Variants in APPBP2 observed in about 807,000 individuals in gnomAD.
The protein encoded by APPBP2 is amyloid protein-binding protein 2.
APPBP2 carries 15 observed loss-of-function variants against 76.0 expected under a neutral mutation model. The ratio of observed to expected loss-of-function variants is 0.20; its 90% CI spans 0.13 to 0.30. The LOEUF is 0.30. Among genes scored for constraint, APPBP2 ranks in the 10% least tolerant of loss-of-function variants. The pLI is 1.00. For synonymous variants in APPBP2, 222 were observed against 242.2 expected (o/e 0.92, Z 0.77); for missense variants, 401 against 687.2 (o/e 0.58, Z 4.66).
chr17:60,520,305 G>A (rs1025507181), intron 1 of APPBP2, among the ~76,000 whole-genome samples: 15 of 152,086 alleles, frequency 9.9e-5, no homozygotes, highest in Admixed American at 7.9e-4. Context: ...GGGCGCAGTG[G>A]CTCACTCCTG....
rs1433691566 is a variant in APPBP2 at position 60,503,141 on chromosome 17, T to C, written c.139-2654A>G. ...GATTCTCCTGCCTCAGCCTCCCGAA[T>C]AGCCTGGACTACCGGCGCGGGATAC... On this transcript the variant is annotated intron_variant, in intron 1 of 12. Transcript: ENST00000083182. Among the ~76,000 whole-genome samples the C allele has an allele frequency of 4.2e-5, 6 of 143,554 alleles. 2 individuals carry two copies. Among genetic ancestry groups the C allele is most frequent in the Admixed American group, 4.0e-4 (6 of 14,868 alleles). The allele number at this position is 143,554 out of a possible 152,430, so 94.2% of individuals were successfully genotyped here. A position where few individuals can be genotyped will look rare whatever the true frequency, so the allele number is the denominator to read the frequency against.
At chr17:60,513,246 T>A (rs997539665) in intron 1 of APPBP2, 49 of 418,526 alleles carry the variant, frequency 1.2e-4, no homozygotes, top group Admixed American at 2.9e-4. Flanking sequence ...AATCAGATAT[T>A]GTATATAAGA....
chr17:60,449,294 A>G (rs2090373145), intron 12 of APPBP2, among the ~76,000 whole-genome samples: 1 of 131,444 alleles, frequency 7.6e-6, no homozygotes, highest in Non-Finnish European at 1.5e-5. Flanking sequence ...TAGCAGAGGG[A>G]AAAAAAGAGT....
intron 3 of APPBP2, among the ~76,000 whole-genome samples, chr17:60,487,657 A>G (rs1047642367): frequency 1.3e-5 from 2 of 152,138 alleles, no homozygotes; most frequent in Non-Finnish European, 2.9e-5. Context: ...TTTAGCTTGG[A>G]GAAGTCTGTT....
At chr17:60,525,706 G>C in intron 1 of APPBP2, 88 bp downstream of exon 1, 2 of 1,584,128 alleles carry the variant, frequency 1.3e-6, no homozygotes, top group Non-Finnish European at 1.7e-6. Flanking sequence ...AGGGGTGAGG[G>C]GTTAACTGCG....
Position 60,500,448 on chromosome 17 carries a change from A to G in APPBP2, c.178T>C (p.Phe60Leu). 1 of 1,611,558 alleles carries G rather than the reference A, an allele frequency of 6.2e-7. No homozygotes were observed. The highest frequency in any genetic ancestry group is 8.5e-7 in the Non-Finnish European group (1 of 1,179,054). Residue 60 changes from phenylalanine to leucine, a missense_variant, in exon 2 of 13, where the codon TTT (phenylalanine) becomes CTT (leucine). Around this residue, in one of 5 missense-constraint regions of APPBP2, gnomAD observed 149 missense variants for 198.4 expected, o/e 0.75. Coordinates refer to ENST00000083182, the MANE Select transcript of APPBP2 (RefSeq NM_006380.5). ...TTAGCAAAAACTTCCAATTCACAAA[A>G]TTCACTGCCCAGTTGACATAAGCGT... ...QGRLCQLGSE[F>L]CELEVFAKVL... is the part of the protein sequence containing the mutation.
At chr17:60,474,095 T>A (rs1448924502) in intron 4 of APPBP2, among the ~76,000 whole-genome samples, 1 of 152,200 alleles carries the variant, frequency 6.6e-6, no homozygotes, top group African/African-American at 2.4e-5. Flanking sequence ...AAAAGCCAGT[T>A]AATAAAATTA....
At chr17:60,500,308 A>T in intron 2 of APPBP2, 91 bp downstream of exon 2, 1 of 900,736 alleles carries the variant, frequency 1.1e-6, no homozygotes, top group East Asian at 2.7e-5. Flanking sequence ...CACCCAGCCC[A>T]CAATGTGAAT....
chr17:60,514,089 T>C (rs1257842034), intron 1 of APPBP2, among the ~76,000 whole-genome samples: 1 of 150,650 alleles, frequency 6.6e-6, no homozygotes, highest in Non-Finnish European at 1.5e-5. Flanking sequence ...GGAAGATCAC[T>C]TGAACCCAGG....
intron 12 of APPBP2, among the ~76,000 whole-genome samples, chr17:60,448,367 G>A (rs1429758590): frequency 6.6e-6 from 1 of 152,208 alleles, no homozygotes; most frequent in Non-Finnish European, 1.5e-5. Flanking sequence ...AGAGGCTGAG[G>A]CATGAGAACT....
At chr17:60,498,059 C>G (rs149718339) in intron 2 of APPBP2, among the ~76,000 whole-genome samples, 1 of 151,258 alleles carries the variant, frequency 6.6e-6, no homozygotes, top group Non-Finnish European at 1.5e-5. Flanking sequence ...CCCTGGAAGT[C>G]GAGGCTACAG....
At chr17:60,485,811 T>C (rs1363599851) in intron 3 of APPBP2, among the ~76,000 whole-genome samples, 1 of 152,220 alleles carries the variant, frequency 6.6e-6, no homozygotes, top group Non-Finnish European at 1.5e-5. Context: ...ATTGTAGATC[T>C]TTCCTGCTTT....
Position 60,444,748 on chromosome 17 carries a change from G to A in APPBP2, c.*2833C>T, listed in dbSNP as rs1454958184. ...GGAATGCAGGCATGAGTGGCCACCT[G>A]AGCGACACATGCGAGTGCTGACGGA... On this transcript the variant is annotated 3_prime_UTR_variant, in exon 13 of 13. Transcript: ENST00000083182. 1 of 152,524 alleles carries A rather than the reference G, an allele frequency of 6.6e-6. No homozygotes were observed. Among genetic ancestry groups the A allele is most frequent in the Non-Finnish European group, 1.5e-5 (1 of 68,044 alleles). The allele number at this position is 152,524 out of a possible 1,614,324, so 9.4% of individuals were successfully genotyped here.
intron 1 of APPBP2, among the ~76,000 whole-genome samples, chr17:60,513,997 T>TAAAAAAAAAA (rs35785295): frequency 1.8e-5 from 2 of 108,576 alleles, no homozygotes; most frequent in Non-Finnish European, 1.9e-5. Flanking sequence ...TTCCCCACAT[T>TAAAAAAAAAA]AAAAAAAAAA....
chr17:60,498,403 A>G (rs962732268), intron 2 of APPBP2, among the ~76,000 whole-genome samples: 2 of 152,198 alleles, frequency 1.3e-5, no homozygotes, highest in South Asian at 2.1e-4. Flanking sequence ...GAGTTGTCTT[A>G]AATTGCTTTC....
chr17:60,525,982 C>CTCCTCCCG lies in APPBP2; in HGVS notation c.-52_-51insCGGGAGGA. On this transcript the variant is annotated 5_prime_UTR_variant, in exon 1 of 13. Transcript: ENST00000083182. ...TCCGCCTCCTCCTCCCGAAGGCCCC[C>CTCCTCCCG]ACCTCCCTCCGTAGCGAACCCCTCT... The CTCCTCCCG allele has an allele frequency of 6.6e-7, 1 of 1,521,036 alleles. No individual in the cohort carries two copies. Among genetic ancestry groups the CTCCTCCCG allele is most frequent in the African/African-American group, 1.4e-5 (1 of 72,920 alleles). 94.2% of individuals were successfully genotyped at this position (1,521,036 alleles called of 1,614,324 possible).
chr17:60,454,267 TAA>T (rs760363113), intron 11 of APPBP2, 33 bp downstream of exon 11: 15 of 1,445,510 alleles, frequency 1.0e-5, no homozygotes, highest in Admixed American at 7.0e-5. Context: ...TTTCATTACT[TAA>T]GAGAGAAAAA....
chr17:60,494,984 G>GTTTTTT (rs60043373), intron 2 of APPBP2, among the ~76,000 whole-genome samples: 60 of 107,020 alleles, frequency 5.6e-4, no homozygotes, highest in South Asian at 1.1e-3. Flanking sequence ...GTTTTGTTTT[G>GTTTTTT]TTTTTTTTTT....
intron 1 of APPBP2, among the ~76,000 whole-genome samples, chr17:60,503,064 G>C (rs1407246205): frequency 2.9e-5 from 4 of 139,706 alleles, no homozygotes; most frequent in Non-Finnish European, 1.5e-5. Context: ...CCAGGTTGGA[G>C]TGCAGTGGCA....
Sources: allele counts gnomAD v4.1 joint callset (sites outside exome capture counted in the v4.1 genomes callset), GRCh38; gene constraint gnomAD v4.1.1; regional missense constraint gnomAD v4.1.1; transcripts MANE v1.5; gene names NCBI Gene and HGNC (gene_info 2026-07-23, HGNC 2026-07-21).